DMD: variants seen among roughly 807,000 people sequenced by gnomAD.
DMD encodes the protein mutant dystrophin.
In DMD, 63 loss-of-function variants were observed where a neutral mutation model predicts 330.1. That is an observed-to-expected ratio of 0.19 (90% CI 0.16 to 0.24). DMD has a LOEUF of 0.24. Ranked by LOEUF, DMD falls within the 10% of genes least tolerant of loss-of-function variation. The pLI is 1.00. For missense variants in DMD, 3,344 were observed against 2,684.1 expected (o/e 1.25, Z -5.43); for synonymous variants, 1,223 against 959.8 (o/e 1.27, Z -5.07).
Position 32,390,833 on chromosome X carries a change from C to A in DMD, c.4234-652G>T, listed in dbSNP as rs761270048. Among the ~76,000 whole-genome samples, 4 of 111,450 alleles carry A rather than the reference C, an allele frequency of 3.6e-5. No homozygotes were observed. The South Asian group carries it at 1.5e-3, about 42-fold the overall frequency. On this transcript the variant is annotated intron_variant, in intron 30 of 78. Coordinates refer to ENST00000357033, the MANE Select transcript of DMD (RefSeq NM_004006.3). ...CTGTGCCTGGCCTTAGTGTAGTCTA[C>A]TCAGTCATTATGTGCCATATTTCAG...
Position 32,600,799 on chromosome X carries a change from T to A in DMD, c.1483-4923A>T, listed in dbSNP as rs746677991. Among the ~76,000 whole-genome samples, 19 of 110,830 alleles carry A rather than the reference T, an allele frequency of 1.7e-4. No individual in the cohort carries two copies. The Admixed American group carries it at 1.7e-3, about 10-fold the overall frequency. On this transcript the variant is annotated intron_variant, in intron 12 of 78. Transcript: ENST00000357033. ...TAAGGAAAGACTAACGAGAAAAAAA[T>A]TGTAGCAAACATAAAATTTGCAAAG...
At chrX:31,164,823 G>A (rs766341261) in intron 74 of DMD, among the ~76,000 whole-genome samples, 3 of 111,138 alleles carry the variant, frequency 2.7e-5, no homozygotes, top group Non-Finnish European at 5.7e-5. Context: ...ACTCTGCAGT[G>A]GGTACCACAC....
rs2098035629 is a variant in DMD at position 32,395,253 on chromosome X, A to T, written c.4234-5072T>A. Among the ~76,000 whole-genome samples the T allele has an allele frequency of 3.6e-5, 4 of 112,099 alleles. No individual in the cohort carries two copies. In the South Asian group the frequency reaches 1.5e-3, roughly 41 times the overall value. ...AGCATTTAGTCAATTTAATTCAACA[A>T]ATCGTTCAGCTTCTACTACTCAATT... On this transcript the variant is annotated intron_variant, in intron 30 of 78. Coordinates refer to ENST00000357033, the MANE Select transcript of DMD (RefSeq NM_004006.3).
chrX:31,483,035 T>C (rs947360721), intron 57 of DMD, among the ~76,000 whole-genome samples: 3 of 102,465 alleles, frequency 2.9e-5, no homozygotes, highest in African/African-American at 7.4e-5. Context: ...AATAAGGAAA[T>C]GGATCTTTTT....
intron 30 of DMD, among the ~76,000 whole-genome samples, chrX:32,408,042 G>A (rs1436367640): frequency 9.2e-6 from 1 of 108,958 alleles, no homozygotes; most frequent in Non-Finnish European, 1.9e-5. Flanking sequence ...GTTAATGGGT[G>A]TAGCACACCA....
At chrX:32,266,071 C>A (rs1471063623) in intron 43 of DMD, among the ~76,000 whole-genome samples, 1 of 111,769 alleles carries the variant, frequency 8.9e-6, no homozygotes, top group Non-Finnish European at 1.9e-5. Context: ...AAATCTCATT[C>A]TGAATTGTAG....
chrX:33,012,308 T>C (rs2093717132), intron 2 of DMD, among the ~76,000 whole-genome samples: 1 of 111,677 alleles, frequency 9.0e-6, no homozygotes, highest in South Asian at 3.7e-4. Flanking sequence ...ATTCGACAAG[T>C]CATCTTAACA....
chrX:31,403,244 C>T (rs1181799812), intron 60 of DMD, among the ~76,000 whole-genome samples: 1 of 111,916 alleles, frequency 8.9e-6, no homozygotes, highest in Non-Finnish European at 1.9e-5. Flanking sequence ...GCTATTTTAA[C>T]ACGCTTTGTC....
At chrX:32,903,629 G>A (rs996939948) in intron 2 of DMD, among the ~76,000 whole-genome samples, 4 of 111,258 alleles carry the variant, frequency 3.6e-5, no homozygotes, top group Non-Finnish European at 5.7e-5. Context: ...GGTTGCTAAC[G>A]GCTGTGTTAA....
chrX:31,814,396 T>C (rs1473477583), intron 50 of DMD, among the ~76,000 whole-genome samples: 1 of 93,296 alleles, frequency 1.1e-5, no homozygotes, highest in Non-Finnish European at 2.0e-5. Flanking sequence ...GGCAGGAGAA[T>C]GGCGTGAACC....
intron 37 of DMD, among the ~76,000 whole-genome samples, chrX:32,356,366 C>G (rs2097799846): frequency 1.4e-5 from 1 of 71,865 alleles, no homozygotes; most frequent in Non-Finnish European, 2.4e-5. Context: ...TATCTTCTGA[C>G]ACTGAATGGA....
At chrX:32,332,245 A>G (rs2097683751) in intron 41 of DMD, among the ~76,000 whole-genome samples, 1 of 111,423 alleles carries the variant, frequency 9.0e-6, no homozygotes, top group Non-Finnish European at 1.9e-5. Flanking sequence ...TTGGGTGTTG[A>G]GGACACAGCA....
intron 17 of DMD, among the ~76,000 whole-genome samples, chrX:32,527,922 ATTGTC>A (rs2047071468): frequency 9.0e-6 from 1 of 111,268 alleles, no homozygotes; most frequent in Non-Finnish European, 1.9e-5. Flanking sequence ...GGGCCACATG[ATTGTC>A]TTGTATTTTG....
At chrX:32,978,787 G>A (rs2092625133) in intron 2 of DMD, among the ~76,000 whole-genome samples, 1 of 111,946 alleles carries the variant, frequency 8.9e-6, no homozygotes, top group African/African-American at 3.2e-5. Context: ...TTTTTACAAG[G>A]TTTCAAGTAA....
At chrX:32,482,324 C>T (rs2041979336) in intron 21 of DMD, among the ~76,000 whole-genome samples, 1 of 111,178 alleles carries the variant, frequency 9.0e-6, no homozygotes, top group Non-Finnish European at 1.9e-5. Context: ...TCCTCCCAGA[C>T]CTAGGCAACC....
chrX:32,859,102 AGATT>A (rs1437067168), intron 2 of DMD, among the ~76,000 whole-genome samples: 1 of 111,514 alleles, frequency 9.0e-6, no homozygotes, highest in African/African-American at 3.3e-5. Context: ...CAATAAATAT[AGATT>A]GATTTTTATG....
At chrX:32,305,101 T>C (rs1269134433) in intron 42 of DMD, among the ~76,000 whole-genome samples, 2 of 111,830 alleles carry the variant, frequency 1.8e-5, no homozygotes, top group African/African-American at 3.2e-5. Context: ...CGTTCTTTTA[T>C]TTTCCTTCAG....
At chrX:32,592,622 G>A (rs2055047746) in intron 13 of DMD, among the ~76,000 whole-genome samples, 1 of 111,994 alleles carries the variant, frequency 8.9e-6, no homozygotes, top group South Asian at 3.7e-4. Context: ...CTGGACATGG[G>A]ACAAGAACTC....
intron 44 of DMD, among the ~76,000 whole-genome samples, chrX:31,991,225 AG>A (rs2095548076): frequency 9.0e-6 from 1 of 111,696 alleles, no homozygotes; most frequent in East Asian, 2.8e-4. Flanking sequence ...GGTTTTAAGG[AG>A]ACAAACGATA....
Sources: gnomAD v4.1 joint callset for allele counts (sites outside exome capture counted in the v4.1 genomes callset) on GRCh38, gnomAD v4.1.1 for gene constraint, MANE v1.5 for transcripts, NCBI Gene and HGNC (gene_info 2026-07-23, HGNC 2026-07-21) for gene names.